Variants in WDR48 observed in about 807,000 individuals in gnomAD.
WDR48 encodes WD repeat domain 48.
A neutral mutation model predicts 94.0 loss-of-function variants in WDR48; 22 were observed. The ratio of observed to expected loss-of-function variants is 0.23; its 90% CI spans 0.17 to 0.33. The LOEUF is 0.33. WDR48 is among the 10% of genes least tolerant of loss of function. WDR48 has a pLI of 1.00. For synonymous variants in WDR48, 278 were observed against 280.5 expected (o/e 0.99, Z 0.09); for missense variants, 541 against 813.8 (o/e 0.66, Z 4.08).
chr3:39,078,710 C>T (rs1156465022), intron 10 of WDR48, among the ~76,000 whole-genome samples: 7 of 151,162 alleles, frequency 4.6e-5, no homozygotes, highest in African/African-American at 1.2e-4. Context: ...TGAGCCACCA[C>T]GCCCAGCCAG....
At chr3:39,053,771 T>C (rs2032656310) in intron 1 of WDR48, among the ~76,000 whole-genome samples, 1 of 152,328 alleles carries the variant, frequency 6.6e-6, no homozygotes, top group East Asian at 1.9e-4. Flanking sequence ...AAGGCAATTG[T>C]ACTAGTATGG....
At chr3:39,064,606 C>A (rs932791159) in intron 2 of WDR48, among the ~76,000 whole-genome samples, 4 of 152,232 alleles carry the variant, frequency 2.6e-5, no homozygotes, top group Admixed American at 1.3e-4. Context: ...AAAATGGGCT[C>A]AGAGAAACCC....
At chr3:39,055,722 C>G (rs113702910) in intron 1 of WDR48, among the ~76,000 whole-genome samples, 1,782 of 152,282 alleles carry the variant, frequency 0.012, 32 homozygotes, top group African/African-American at 0.04. Context: ...CAAGTCTTTT[C>G]CATCCTTAGC....
At chr3:39,084,059 A>G (rs2034678625) in intron 11 of WDR48, 96 bp from the exon 12 acceptor site, 1 of 807,532 alleles carries the variant, frequency 1.2e-6, no homozygotes, top group East Asian at 2.7e-5. Context: ...TTTCACTTAG[A>G]CACATGTGAA....
chr3:39,055,046 A>G (rs1336028020), intron 1 of WDR48, among the ~76,000 whole-genome samples: 2 of 152,194 alleles, frequency 1.3e-5, no homozygotes, highest in African/African-American at 4.8e-5. Context: ...TCAAAAAGAA[A>G]ACTTCTCATC....
Position 39,052,073 on chromosome 3 carries a change from G to A in WDR48, c.48G>A (p.Gln16=). 6.2e-7 allele frequency: 1 copy of A among 1,613,732 alleles called. No individual in the cohort carries two copies. The highest frequency in any genetic ancestry group is 8.5e-7 in the Non-Finnish European group (1 of 1,179,904). The change falls in exon 1 of 19, where the codon CAG becomes CAA. Residue 16 remains glutamine (Q), a splice_region_variant and synonymous_variant. Coordinates refer to ENST00000302313, the MANE Select transcript of WDR48 (RefSeq NM_020839.4). The part of the protein sequence containing the change: ...RQNTAGRRKV[Q]VSYVIRDEVE... ...ACACAGCAGGGCGGAGGAAAGTGCAGGTATGGAAGCCCGGTTCCTCGGTCT... is the reference window on the plus strand; with the variant it reads ...ACACAGCAGGGCGGAGGAAAGTGCAAGTATGGAAGCCCGGTTCCTCGGTCT...
intron 17 of WDR48, among the ~76,000 whole-genome samples, chr3:39,092,031 T>A (rs535395690): frequency 1.3e-5 from 2 of 152,094 alleles, no homozygotes; most frequent in African/African-American, 4.8e-5. Flanking sequence ...GTAAAAAAAT[T>A]AGCTGGGCAT....
At chr3:39,085,665 G>T in intron 14 of WDR48, 55 bp downstream of exon 14, 1 of 1,450,954 alleles carries the variant, frequency 6.9e-7, no homozygotes, top group Non-Finnish European at 9.5e-7. Flanking sequence ...TTACTTAAAA[G>T]GTACTTACTA....
chr3:39,094,788 A>G lies in WDR48; in HGVS notation c.*45A>G, dbSNP rs746585111. ...GGATATTCATTTACGACCTTCCTCT[A>G]TGGCCCCAAGAGTAGTCCTAGGAAG... On this transcript the variant is annotated 3_prime_UTR_variant, in exon 19 of 19. Coordinates refer to ENST00000302313, the MANE Select transcript of WDR48 (RefSeq NM_020839.4). 30 of 1,610,362 alleles carry G rather than the reference A, an allele frequency of 1.9e-5. No homozygotes were observed. Among genetic ancestry groups the G allele is most frequent in the East Asian group, 8.9e-5 (4 of 44,882 alleles).
rs538105471 is a variant in WDR48 at position 39,082,768 on chromosome 3, G to C, written c.1174-1387G>C. ...TGAGTTTCTGTGGGATATCTGAATA[G>C]AGGTGTTTGGTGGGCAGACAGCTGT... is the stretch of plus-strand genomic sequence containing the variant. On this transcript the variant is annotated intron_variant, in intron 11 of 18. Coordinates refer to ENST00000302313, the MANE Select transcript of WDR48 (RefSeq NM_020839.4). Among the ~76,000 whole-genome samples, 38 of 152,324 alleles carry C rather than the reference G, an allele frequency of 2.5e-4. 1 individual carries two copies. The South Asian group carries it at 7.7e-3, about 31-fold the overall frequency.
rs371521584 is a variant in WDR48, at chr3:39,085,041, C to A, written c.1378+300C>A. 1.6e-4 allele frequency among the ~76,000 whole-genome samples: 24 copies of A among 152,254 alleles called. No homozygotes were observed. In the East Asian group the frequency reaches 4.4e-3, roughly 28 times the overall value. On this transcript the variant is annotated intron_variant, in intron 13 of 18. Coordinates refer to ENST00000302313, the MANE Select transcript of WDR48 (RefSeq NM_020839.4). ...AGGGGATCGAGACCATCCTGGCTAA[C>A]ACGGTGAAACCCCGTCTCTACTAAA...
chr3:39,082,117 A>G (rs1224229735), intron 11 of WDR48, among the ~76,000 whole-genome samples: 3 of 152,180 alleles, frequency 2.0e-5, no homozygotes, highest in Admixed American at 1.3e-4. Flanking sequence ...GGGGGTGCCT[A>G]TTATTGGTGA....
intron 14 of WDR48, among the ~76,000 whole-genome samples, chr3:39,087,539 G>GC: frequency 6.6e-6 from 1 of 152,146 alleles, no homozygotes; most frequent in East Asian, 1.9e-4. Context: ...GATCACTTGA[G>GC]CCAGGGGAGG....
rs997592746 is a variant in WDR48, at chr3:39,092,720, A to T, written c.1745+1019A>T. ...TATTCTAGCAAATAAAATAAAAAAAATTTTTAAACCTTTTTATTACAGAGA... is the reference window on the plus strand; with the variant it reads ...TATTCTAGCAAATAAAATAAAAAAATTTTTTAAACCTTTTTATTACAGAGA... On this transcript the variant is annotated intron_variant, in intron 17 of 18. Transcript: ENST00000302313. 4.6e-5 allele frequency among the ~76,000 whole-genome samples: 7 copies of T among 152,186 alleles called. No individual in the cohort carries two copies. The South Asian group carries it at 6.2e-4, about 14-fold the overall frequency.
rs1287739418 is a variant in WDR48, at chr3:39,084,238, G to A, written c.1257G>A (p.Trp419Ter). 6.2e-7 allele frequency: 1 copy of A among 1,611,122 alleles called. No individual in the cohort carries two copies. The highest frequency in any genetic ancestry group is 1.3e-5 in the African/African-American group (1 of 74,856). ...TTAAAATGGTGTATGTGCCAAATTG[G>A]TTCTCAGTAGACTTAAAAACAGGGG... Reference protein sequence around the residue: ...KRFKMVYVPNWFSVDLKTGML... With the variant: ...KRFKMVYVPN Residue 419 changes from tryptophan to a stop codon, truncating the protein, a stop_gained, in exon 12 of 19, where the codon TGG (tryptophan) becomes TGA (stop). Transcript: ENST00000302313. LOFTEE classifies it high-confidence loss of function.
rs372436181 is a variant in WDR48, at chr3:39,089,346, CTT to C, written c.1668+31_1668+32del. On this transcript the variant is annotated intron_variant, in intron 16 of 18. Coordinates refer to ENST00000302313, the MANE Select transcript of WDR48 (RefSeq NM_020839.4). ...AAGTATCCTCCACTCCCACTTTGCT[CTT>C]TTATTTTTTTGTAACTCATGAAATT... 1.6e-3 allele frequency: 2,574 copies of C among 1,598,432 alleles called. 32 individuals are homozygous for C. The East Asian group carries it at 0.028, about 18-fold the overall frequency.
chr3:39,065,241 C>T (rs752016887), intron 2 of WDR48, among the ~76,000 whole-genome samples: 6 of 152,160 alleles, frequency 3.9e-5, no homozygotes, highest in East Asian at 1.9e-4. Flanking sequence ...CTTTCTCAGC[C>T]GTTGGGTTTC....
In WDR48 at chr3:39,078,666, G is replaced by A. The variant is rs548669316; in HGVS notation, c.1075+427G>A. 8.4e-4 allele frequency among the ~76,000 whole-genome samples: 128 copies of A among 151,704 alleles called. 1 individual carries two copies. Among genetic ancestry groups the A allele is most frequent in the Non-Finnish European group, 1.6e-3 (107 of 67,884 alleles). On this transcript the variant is annotated intron_variant, in intron 10 of 18. Transcript: ENST00000302313. ...ACTCCTGACCTCAAATGATCTGCCC[G>A]CCTCAGCCTCCCAAAGTACTGGGAT...
rs754782733 is a variant in WDR48, at chr3:39,066,868, T to G, written c.474T>G (p.Thr158=). The G allele has an allele frequency of 1.2e-6, 2 of 1,613,102 alleles. No homozygotes were observed. The highest frequency in any genetic ancestry group is 1.1e-5 in the South Asian group (1 of 90,804). ...TLTALTASNN[T]VTTSSLSGNK... is the part of the protein sequence containing the mutation. ...CAGCATTGACTGCCTCAAATAACAC[T>G]GTCACAAGTAAGGTGTTTAAAAGAA... Residue 158 remains threonine (T), a synonymous_variant, in exon 5 of 19, where the codon ACT becomes ACG. Transcript: ENST00000302313.
Sources: allele counts gnomAD v4.1 joint callset (sites outside exome capture counted in the v4.1 genomes callset), GRCh38; gene constraint gnomAD v4.1.1; transcripts MANE v1.5; gene names NCBI Gene and HGNC (gene_info 2026-07-23, HGNC 2026-07-21).